TRAPPC12: variants seen among roughly 807,000 people sequenced by gnomAD.
The protein encoded by TRAPPC12 is trafficking protein particle complex subunit 12, also known as TPR repeat protein 15.
In TRAPPC12, 61 loss-of-function variants were observed where a neutral mutation model predicts 69.2. The observed-to-expected ratio is 0.88, with a 90% confidence interval of 0.72 to 1.09. The LOEUF is 1.09. Among genes scored for constraint, TRAPPC12 ranks in the 50% least tolerant of loss-of-function variants. The probability of loss-of-function intolerance (pLI) is 0.00; values close to 1 mark genes in which losing one functional copy is unlikely to be tolerated. For synonymous variants in TRAPPC12, 469 were observed against 438.9 expected (o/e 1.07, Z -0.86); for missense variants, 1,101 against 1,016.4 (o/e 1.08, Z -1.13).
chr2:3,433,987 C>T (rs1342771168), intron 5 of TRAPPC12, among the ~76,000 whole-genome samples: 4 of 152,160 alleles, frequency 2.6e-5, no homozygotes, highest in Non-Finnish European at 5.9e-5. Flanking sequence ...CAACCACCCT[C>T]AGCATGGAGG....
At chr2:3,428,133 A>C (rs1663220533) in intron 5 of TRAPPC12, among the ~76,000 whole-genome samples, 1 of 152,124 alleles carries the variant, frequency 6.6e-6, no homozygotes, top group Admixed American at 6.5e-5. Context: ...CTTTGAGGAC[A>C]TTTTTTCCTA....
Position 3,415,829 on chromosome 2 carries a change from G to A in TRAPPC12, c.1165-6052G>A, listed in dbSNP as rs189059712. On this transcript the variant is annotated intron_variant, in intron 3 of 11. Transcript: ENST00000324266. ...CCTTGCAGGTTCACACCATTCTCCT[G>A]CCTCAGCCTCCCAAGTAGCTGGGAC... is the stretch of plus-strand genomic sequence containing the variant. Among the ~76,000 whole-genome samples, 6 of 151,408 alleles carry A rather than the reference G, an allele frequency of 4.0e-5. No individual in the cohort carries two copies. In the East Asian group the frequency reaches 9.7e-4, roughly 25 times the overall value.
chr2:3,442,910 A>G (rs1049514902), intron 5 of TRAPPC12, among the ~76,000 whole-genome samples: 12 of 152,222 alleles, frequency 7.9e-5, no homozygotes, highest in African/African-American at 2.9e-4. Context: ...TACTGAATCT[A>G]TGTGATTGCC....
intron 6 of TRAPPC12, among the ~76,000 whole-genome samples, chr2:3,446,790 C>T (rs1172366480): frequency 6.6e-6 from 1 of 152,216 alleles, no homozygotes; most frequent in African/African-American, 2.4e-5. Context: ...ACTGGCAGTT[C>T]GGGACTCAAC....
At position 3,457,969 on chromosome 2, in the gene TRAPPC12, A is replaced by C. The variant is rs368505747; in HGVS notation, c.1603+276A>C. The C allele has an allele frequency of 4.1e-5, 54 of 1,308,330 alleles. 1 individual carries two copies. In the African/African-American group the frequency reaches 5.9e-4, roughly 14 times the overall value. 81.0% of individuals were successfully genotyped at this position (1,308,330 alleles called of 1,614,324 possible). On this transcript the variant is annotated intron_variant, in intron 7 of 11. Transcript: ENST00000324266. ...ACACGGCCCGGAACCTGCCACGCTG[A>C]GTGGTCTGAGTGGGCGCGAGGAAGG... is the stretch of plus-strand genomic sequence containing the variant.
chr2:3,452,802 A>T (rs1349170771), intron 6 of TRAPPC12, among the ~76,000 whole-genome samples: 1 of 152,244 alleles, frequency 6.6e-6, no homozygotes, highest in Admixed American at 6.5e-5. Context: ...TACAGGGATG[A>T]TGGTGAAAGA....
chr2:3,469,494 G>A (rs1665969729), intron 9 of TRAPPC12, among the ~76,000 whole-genome samples: 1 of 152,222 alleles, frequency 6.6e-6, no homozygotes, highest in South Asian at 2.1e-4. Context: ...ACGGACAGTA[G>A]TACAGGGAAT....
chr2:3,393,215 G>A (rs897149145), intron 2 of TRAPPC12, among the ~76,000 whole-genome samples: 4 of 152,122 alleles, frequency 2.6e-5, no homozygotes, highest in Admixed American at 2.6e-4. Flanking sequence ...CTATATGCAT[G>A]CACCTGGTGG....
chr2:3,440,017 T>A (rs963037017), intron 5 of TRAPPC12, among the ~76,000 whole-genome samples: 11 of 152,182 alleles, frequency 7.2e-5, no homozygotes, highest in Admixed American at 3.3e-4. Context: ...GACCAATTTC[T>A]TGTCTTTCTG....
intron 5 of TRAPPC12, among the ~76,000 whole-genome samples, chr2:3,441,173 G>C (rs1282193548): frequency 6.6e-6 from 1 of 151,984 alleles, no homozygotes; most frequent in Non-Finnish European, 1.5e-5. Flanking sequence ...GTCTTTGTCT[G>C]GTTTTGGTAT....
chr2:3,441,012 A>G (rs1364817996), intron 5 of TRAPPC12, among the ~76,000 whole-genome samples: 5 of 152,212 alleles, frequency 3.3e-5, no homozygotes, highest in Admixed American at 3.3e-4. Flanking sequence ...CTGTCTGGTC[A>G]TGGTTCATAA....
chr2:3,383,724 C>G (rs934326798), intron 1 of TRAPPC12, among the ~76,000 whole-genome samples: 1 of 151,796 alleles, frequency 6.6e-6, no homozygotes, highest in Non-Finnish European at 1.5e-5. Flanking sequence ...AAGTTTTTAA[C>G]GTCCCTGAGA....
intron 9 of TRAPPC12, among the ~76,000 whole-genome samples, chr2:3,470,329 C>T (rs1306292434): frequency 1.3e-5 from 2 of 152,270 alleles, no homozygotes; most frequent in African/African-American, 2.4e-5. Flanking sequence ...CAGGGACCCA[C>T]GCCAAAAGGC....
chr2:3,383,403 C>CCCCCG (rs1180341078), intron 1 of TRAPPC12, among the ~76,000 whole-genome samples: 19 of 149,558 alleles, frequency 1.3e-4, no homozygotes, highest in Non-Finnish European at 2.4e-4. Flanking sequence ...TGATCCCCCA[C>CCCCCG]CCCCGCCCCG....
intron 11 of TRAPPC12, 50 bp from the exon 12 acceptor site, chr2:3,479,169 G>A (rs1304216289): frequency 2.5e-6 from 4 of 1,584,890 alleles, no homozygotes; most frequent in African/African-American, 2.7e-5. Flanking sequence ...GAATGGGCGG[G>A]CGTCTGTCCT....
chr2:3,425,525 C>A (rs1663052292), intron 5 of TRAPPC12, among the ~76,000 whole-genome samples: 1 of 152,152 alleles, frequency 6.6e-6, no homozygotes, highest in Non-Finnish European at 1.5e-5. Context: ...CTGGGTTGTC[C>A]TAAAGATCAA....
chr2:3,389,411 C>T (rs1456384664), intron 2 of TRAPPC12, among the ~76,000 whole-genome samples: 2 of 152,244 alleles, frequency 1.3e-5, no homozygotes, highest in Admixed American at 6.5e-5. Context: ...AGCATAGGAG[C>T]AGGCTTCACA....
intron 6 of TRAPPC12, among the ~76,000 whole-genome samples, chr2:3,447,547 C>T (rs1374385414): frequency 6.6e-6 from 1 of 152,124 alleles, no homozygotes; most frequent in Non-Finnish European, 1.5e-5. Flanking sequence ...AGAACTCATT[C>T]ATTGCCATAG....
chr2:3,383,575 T>A (rs1002130041), intron 1 of TRAPPC12, among the ~76,000 whole-genome samples: 39 of 151,624 alleles, frequency 2.6e-4, no homozygotes, highest in African/African-American at 9.0e-4. Flanking sequence ...CCTGGCTAAT[T>A]TTTGTATTTT....
Sources: allele counts gnomAD v4.1 joint callset (sites outside exome capture counted in the v4.1 genomes callset), GRCh38; gene constraint gnomAD v4.1.1; transcripts MANE v1.5; gene names NCBI Gene and HGNC (gene_info 2026-07-23, HGNC 2026-07-21).